The following SEMA6D variants were observed in gnomAD, a reference collection of about 807,000 sequenced individuals.
The protein encoded by SEMA6D is semaphorin 6D, also known as semaphorin-6D.
A neutral mutation model predicts 106.6 loss-of-function variants in SEMA6D; 35 were observed. The ratio of observed to expected loss-of-function variants is 0.33; its 90% CI spans 0.25 to 0.44. The LOEUF (loss-of-function observed/expected upper bound fraction) is 0.44, where lower values mean the gene tolerates loss of function less well. Among genes scored for constraint, SEMA6D ranks in the 20% least tolerant of loss-of-function variants. The pLI is 1.00. For synonymous variants in SEMA6D, 499 were observed against 487.7 expected, an observed-to-expected ratio of 1.02 and a Z score of -0.31; for missense variants, 1,185 against 1,345.9, an observed-to-expected ratio of 0.88 and a Z score of 1.87.
At chr15:47,311,363 G>A (rs564209221) in intron 1 of SEMA6D, among the ~76,000 whole-genome samples, 8 of 152,130 alleles carry the variant, frequency 5.3e-5, no homozygotes, top group Non-Finnish European at 1.0e-4. Context: ...AGACACAGCA[G>A]TCATTTTAAT....
rs566105013 is a variant in SEMA6D at position 47,390,306 on chromosome 15, A to T, written c.-238-22087A>T. 7.6e-4 allele frequency among the ~76,000 whole-genome samples: 116 copies of T among 152,240 alleles called. 2 individuals carry two copies. The South Asian group carries it at 0.023, about 31-fold the overall frequency. ...AGCCCAACTGTGTGAGCACATTTTA[A>T]ACCTCTTCTTCTATTATATTTGCTT... On this transcript the variant is annotated intron_variant, in intron 1 of 19. Transcript: ENST00000558014.
intron 1 of SEMA6D, among the ~76,000 whole-genome samples, chr15:47,243,197 G>T (rs527434770): frequency 6.6e-6 from 1 of 152,254 alleles, no homozygotes; most frequent in Admixed American, 6.5e-5. Flanking sequence ...AGGATTCGAA[G>T]TAGAAGAAAT....
intron 1 of SEMA6D, among the ~76,000 whole-genome samples, chr15:47,244,618 CA>C (rs1346442973): frequency 6.6e-6 from 1 of 152,100 alleles, no homozygotes; most frequent in Admixed American, 6.6e-5. Context: ...TTTAAATGCC[CA>C]AGGGACCTGA....
At chr15:47,449,735 G>T (rs1008255728) in intron 2 of SEMA6D, among the ~76,000 whole-genome samples, 1 of 151,998 alleles carries the variant, frequency 6.6e-6, no homozygotes, top group African/African-American at 2.4e-5. Context: ...AGACATCCTG[G>T]TCTATCAGTA....
chr15:47,733,707 A>G (rs1596857348), intron 1 of SEMA6D, among the ~76,000 whole-genome samples: 1 of 152,136 alleles, frequency 6.6e-6, no homozygotes, highest in Non-Finnish European at 1.5e-5. Context: ...CCAAATAAGG[A>G]TGTTACTAGG....
intron 1 of SEMA6D, among the ~76,000 whole-genome samples, chr15:47,205,150 T>G (rs2141127522): frequency 6.6e-6 from 1 of 152,310 alleles, no homozygotes; most frequent in South Asian, 2.1e-4. Flanking sequence ...TGTTTGCTAA[T>G]TTGTGGCCTG....
At chr15:47,550,220 T>G (rs569812414) in intron 3 of SEMA6D, among the ~76,000 whole-genome samples, 2 of 152,306 alleles carry the variant, frequency 1.3e-5, no homozygotes, top group South Asian at 4.1e-4. Flanking sequence ...GAAGTTTATT[T>G]GGTTTGATGC....
chr15:47,184,804 G>A (rs1245528536), intron 1 of SEMA6D, among the ~76,000 whole-genome samples: 1 of 152,242 alleles, frequency 6.6e-6, no homozygotes, highest in East Asian at 1.9e-4. Context: ...GGGCGCAAGT[G>A]AGCGCCAAAC....
At chr15:47,298,074 A>G (rs982436620) in intron 1 of SEMA6D, among the ~76,000 whole-genome samples, 4 of 152,210 alleles carry the variant, frequency 2.6e-5, no homozygotes, top group African/African-American at 9.7e-5. Context: ...GATCTGATTT[A>G]TACTCTAACA....
At chr15:47,190,943 G>A (rs1893919017) in intron 1 of SEMA6D, among the ~76,000 whole-genome samples, 1 of 152,150 alleles carries the variant, frequency 6.6e-6, no homozygotes, top group Non-Finnish European at 1.5e-5. Flanking sequence ...GCTGAGATGA[G>A]AGGACTGTTT....
intron 1 of SEMA6D, among the ~76,000 whole-genome samples, chr15:47,407,400 C>CAAA (rs1272439298): frequency 3.5e-5 from 3 of 85,250 alleles, no homozygotes; most frequent in Non-Finnish European, 8.1e-5. Flanking sequence ...AAAACAACAA[C>CAAA]AACAACAACA....
intron 1 of SEMA6D, among the ~76,000 whole-genome samples, chr15:47,398,265 A>G (rs545023346): frequency 5.3e-5 from 8 of 152,280 alleles, no homozygotes; most frequent in African/African-American, 1.9e-4. Flanking sequence ...ACATATCCCA[A>G]AATAGCCTGT....
intron 1 of SEMA6D, among the ~76,000 whole-genome samples, chr15:47,725,629 C>A (rs543775541): frequency 6.6e-5 from 10 of 152,150 alleles, no homozygotes; most frequent in Admixed American, 5.2e-4. Context: ...AGTTCCCAAG[C>A]CATCATTAAC....
chr15:47,389,793 T>A (rs1387507534), intron 1 of SEMA6D, among the ~76,000 whole-genome samples: 1 of 152,208 alleles, frequency 6.6e-6, no homozygotes, highest in African/African-American at 2.4e-5. Flanking sequence ...TGTATGTAAC[T>A]CATTAGTGAG....
chr15:47,202,915 A>G (rs1894818307), intron 1 of SEMA6D, among the ~76,000 whole-genome samples: 1 of 152,200 alleles, frequency 6.6e-6, no homozygotes, highest in Admixed American at 6.5e-5. Context: ...TGTAGACTCT[A>G]TCCACCATGG....
At chr15:47,683,923 A>G (rs2078414543) in intron 4 of SEMA6D, among the ~76,000 whole-genome samples, 1 of 152,214 alleles carries the variant, frequency 6.6e-6, no homozygotes, top group Non-Finnish European at 1.5e-5. Flanking sequence ...CCTCAAGTTT[A>G]ATACCTAGTG....
At chr15:47,660,847 T>A (rs572122090) in intron 4 of SEMA6D, among the ~76,000 whole-genome samples, 61 of 152,314 alleles carry the variant, frequency 4.0e-4, no homozygotes, top group African/African-American at 1.4e-3. Context: ...AAATGAAAAT[T>A]TGAAATGAAA....
At position 47,186,465 on chromosome 15, in the gene SEMA6D, TTCTC is replaced by T. The variant is rs1203022125; in HGVS notation, c.-239+2057_-239+2060del. On this transcript the variant is annotated intron_variant, in intron 1 of 19. Transcript: ENST00000558014. ...TATGTGGAAAAGTGTATTTATTGTGTTCTCTCTCTCTCTTTTATCATAATGTTTA... is the reference window on the plus strand; with the variant it reads ...TATGTGGAAAAGTGTATTTATTGTGTTCTCTCTCTTTTATCATAATGTTTA... 2.0e-5 allele frequency among the ~76,000 whole-genome samples: 3 copies of T among 152,102 alleles called. No individual in the cohort carries two copies. The East Asian group carries it at 5.8e-4, about 29-fold the overall frequency.
chr15:47,283,020 C>T (rs1165279011), intron 1 of SEMA6D, among the ~76,000 whole-genome samples: 2 of 152,132 alleles, frequency 1.3e-5, no homozygotes, highest in African/African-American at 2.4e-5. Flanking sequence ...TGATGTTGAG[C>T]TTAACAGGGG....
Sources: gnomAD v4.1 joint callset for allele counts (sites outside exome capture counted in the v4.1 genomes callset) on GRCh38, gnomAD v4.1.1 for gene constraint, MANE v1.5 for transcripts, NCBI Gene and HGNC (gene_info 2026-07-23, HGNC 2026-07-21) for gene names.